SLC30A6: variants seen among roughly 807,000 people sequenced by gnomAD.
The protein encoded by SLC30A6 is zinc transporter 6.
SLC30A6 carries 55 observed loss-of-function variants against 63.0 expected under a neutral mutation model. That is an observed-to-expected ratio of 0.87 (90% CI 0.70 to 1.09). The LOEUF (loss-of-function observed/expected upper bound fraction) is 1.09. SLC30A6 is among the 50% of genes least tolerant of loss of function. The probability of loss-of-function intolerance (pLI) is 0.00; values close to 1 mark genes in which losing one functional copy is unlikely to be tolerated. For missense variants in SLC30A6, 587 were observed against 549.2 expected (o/e 1.07, Z -0.69); for synonymous variants, 224 against 186.1 (o/e 1.20, Z -1.66).
intron 6 of SLC30A6, 36 bp downstream of exon 6, chr2:32,192,452 A>G (rs776811589): frequency 1.8e-5 from 29 of 1,568,542 alleles, no homozygotes; most frequent in Non-Finnish European, 2.5e-5. Context: ...AAATCCCCCC[A>G]TGACACCTTT....
intron 10 of SLC30A6, chr2:32,202,171 T>G: frequency 1.3e-6 from 1 of 774,020 alleles, no homozygotes; most frequent in Non-Finnish European, 2.0e-6. Context: ...TCTGAAAGGT[T>G]GAGGGGTAAC....
At chr2:32,212,467 T>G (rs1352295658) in intron 13 of SLC30A6, among the ~76,000 whole-genome samples, 1 of 152,024 alleles carries the variant, frequency 6.6e-6, no homozygotes, top group Non-Finnish European at 1.5e-5. Flanking sequence ...ACATTAAAAT[T>G]AGGAGTGGTT....
chr2:32,202,576 C>G (rs1370978320), intron 10 of SLC30A6: 2 of 391,166 alleles, frequency 5.1e-6, no homozygotes, highest in Non-Finnish European at 9.7e-6. Flanking sequence ...TGTGATCTGC[C>G]CATCTCGGCC....
intron 13 of SLC30A6, among the ~76,000 whole-genome samples, chr2:32,217,728 G>A (rs1447596211): frequency 6.6e-6 from 1 of 152,010 alleles, no homozygotes; most frequent in African/African-American, 2.4e-5. Context: ...TGTATCATCT[G>A]TGATTTCTTT....
intron 10 of SLC30A6, among the ~76,000 whole-genome samples, chr2:32,201,087 G>C (rs913309968): frequency 1.1e-4 from 16 of 152,154 alleles, no homozygotes; most frequent in Non-Finnish European, 8.8e-5. Context: ...CAGGAGCCTT[G>C]TCACTCAATC....
Position 32,165,935 on chromosome 2 carries a change from T to C in SLC30A6, c.3+32T>C, listed in dbSNP as rs201479790. On this transcript the variant is annotated intron_variant, in intron 1 of 13. Transcript: ENST00000282587. ...TGGCTGTTGGGGTGAGGGTTTCGGC[T>C]GTAGCTGATTCGGTTTATCTTATTT... The C allele has an allele frequency of 1.8e-5, 29 of 1,614,162 alleles. No individual in the cohort carries two copies. In the African/African-American group the frequency reaches 2.3e-4, roughly 13 times the overall value.
chr2:32,208,217 G>A (rs1267963620), intron 12 of SLC30A6, among the ~76,000 whole-genome samples: 1 of 151,476 alleles, frequency 6.6e-6, no homozygotes, highest in Non-Finnish European at 1.5e-5. Context: ...TGCAACCTCC[G>A]CCTCCTGAGT....
intron 11 of SLC30A6, 47 bp from the exon 12 acceptor site, chr2:32,206,839 C>CT (rs1489088334): frequency 6.5e-7 from 1 of 1,527,238 alleles, no homozygotes; most frequent in East Asian, 2.3e-5. Context: ...TGTTGGCAAA[C>CT]TTTTTTCCTT....
rs1686297415 is a variant in SLC30A6 at position 32,224,233 on chromosome 2, G to C, written c.*3520G>C. The C allele has an allele frequency of 2.3e-6, 1 of 426,322 alleles. No homozygotes were observed. The highest frequency in any genetic ancestry group is 2.0e-5 in the African/African-American group (1 of 49,562). 26.4% of individuals were successfully genotyped at this position (426,322 alleles called of 1,614,324 possible). On this transcript the variant is annotated 3_prime_UTR_variant, in exon 14 of 14. Transcript: ENST00000282587. ...ACTATACTAAGTTAATATGCATTCAGTATACCAGTTGGTGTGACCCAGACC... is the reference window on the plus strand; with the variant it reads ...ACTATACTAAGTTAATATGCATTCACTATACCAGTTGGTGTGACCCAGACC...
intron 8 of SLC30A6, among the ~76,000 whole-genome samples, chr2:32,196,875 A>C (rs1683836697): frequency 6.6e-6 from 1 of 152,188 alleles, no homozygotes; most frequent in East Asian, 1.9e-4. Flanking sequence ...AGCCTGACCA[A>C]CATGGTGAAA....
intron 10 of SLC30A6, among the ~76,000 whole-genome samples, chr2:32,198,826 C>T (rs796114154): frequency 1.3e-5 from 2 of 152,264 alleles, no homozygotes; most frequent in African/African-American, 4.8e-5. Flanking sequence ...TTAGGTGATC[C>T]ACCTGCCTCG....
At position 32,209,484 on chromosome 2, in the gene SLC30A6, T is replaced by C; in HGVS notation, c.817-9T>C. The C allele has an allele frequency of 1.2e-6, 2 of 1,602,604 alleles. No homozygotes were observed. Among genetic ancestry groups the C allele is most frequent in the Non-Finnish European group, 1.7e-6 (2 of 1,176,826 alleles). ...GACAACTCTGATCACCTCTTTCTGT[T>C]TTTGGTAGGTATCTACCTTAGATGG... On this transcript the variant is annotated splice_polypyrimidine_tract_variant and intron_variant, in intron 12 of 13. Transcript: ENST00000282587.
At chr2:32,187,035 G>A in intron 5 of SLC30A6, 1 of 351,412 alleles carries the variant, frequency 2.8e-6, no homozygotes, top group South Asian at 2.2e-5. Context: ...AGAAAAATGA[G>A]TTCGGGGGAA....
At chr2:32,219,973 T>C (rs945323017) in intron 13 of SLC30A6, among the ~76,000 whole-genome samples, 1 of 152,230 alleles carries the variant, frequency 6.6e-6, no homozygotes, top group Non-Finnish European at 1.5e-5. Context: ...TGTATTATAA[T>C]ATTCCTATCT....
At chr2:32,205,997 C>G (rs930808499) in intron 11 of SLC30A6, among the ~76,000 whole-genome samples, 1 of 151,938 alleles carries the variant, frequency 6.6e-6, no homozygotes, top group East Asian at 1.9e-4. Flanking sequence ...TTTATTTTCC[C>G]TCAGTAAATG....
chr2:32,203,398 T>G, intron 10 of SLC30A6: 2 of 1,200,064 alleles, frequency 1.7e-6, no homozygotes, highest in Non-Finnish European at 1.2e-6. Flanking sequence ...CCATAAGGTC[T>G]CTGGCTTCTG....
intron 13 of SLC30A6, 85 bp downstream of exon 13, chr2:32,209,646 T>A: frequency 9.1e-7 from 1 of 1,096,808 alleles, no homozygotes; most frequent in South Asian, 1.5e-5. Flanking sequence ...TTCCTTAAAA[T>A]TTTTATAGAG....
intron 5 of SLC30A6, among the ~76,000 whole-genome samples, chr2:32,184,935 A>G (rs1433254742): frequency 6.6e-6 from 1 of 152,252 alleles, no homozygotes; most frequent in Non-Finnish European, 1.5e-5. Flanking sequence ...AGCAAGTACA[A>G]AGGATTTTCA....
Position 32,220,820 on chromosome 2 carries a change from A to G in SLC30A6, c.*107A>G, listed in dbSNP as rs1686100783. On this transcript the variant is annotated 3_prime_UTR_variant, in exon 14 of 14. Transcript: ENST00000282587. Reference sequence around the variant, plus strand: ...TAATCATTTACTCTAAATGTTAGATAATAGTAGTCTTGTTCACATTTCATG... The same window carrying G: ...TAATCATTTACTCTAAATGTTAGATGATAGTAGTCTTGTTCACATTTCATG... 1 of 1,001,434 alleles carries G rather than the reference A, an allele frequency of 1.0e-6. No individual in the cohort carries two copies. Among genetic ancestry groups the G allele is most frequent in the Non-Finnish European group, 1.4e-6 (1 of 691,348 alleles). 62.0% of individuals were successfully genotyped at this position (1,001,434 alleles called of 1,614,324 possible). A position where few individuals can be genotyped will look rare whatever the true frequency, so the allele number is the denominator to read the frequency against.
Sources: allele counts gnomAD v4.1 joint callset (sites outside exome capture counted in the v4.1 genomes callset), GRCh38; gene constraint gnomAD v4.1.1; transcripts MANE v1.5; gene names NCBI Gene and HGNC (gene_info 2026-07-23, HGNC 2026-07-21).